The following NPSR1 variants were observed in gnomAD, a reference collection of about 807,000 sequenced individuals.
NPSR1 encodes the protein neuropeptide S receptor 1, also known as neuropeptide S receptor.
A neutral mutation model predicts 46.9 loss-of-function variants in NPSR1; 48 were observed. The observed-to-expected ratio is 1.02, with a 90% CI of 0.81 to 1.30. The LOEUF (loss-of-function observed/expected upper bound fraction) is 1.30. Ranked by LOEUF, NPSR1 falls within the 50% of genes most tolerant of loss-of-function variation. The pLI is 0.00. For synonymous variants in NPSR1, 176 were observed against 168.1 expected, an observed-to-expected ratio of 1.05 and a Z score of -0.36; for missense variants, 450 against 449.5, an observed-to-expected ratio of 1.00 and a Z score of -0.01.
intron 2 of NPSR1, among the ~76,000 whole-genome samples, chr7:34,699,138 A>T (rs1793689348): frequency 6.6e-6 from 1 of 152,216 alleles, no homozygotes; most frequent in South Asian, 2.1e-4. Context: ...TGATATTAAA[A>T]GAGGCTGCTG....
At chr7:34,705,449 AAAAG>A (rs1691289985) in intron 2 of NPSR1, among the ~76,000 whole-genome samples, 1 of 151,600 alleles carries the variant, frequency 6.6e-6, no homozygotes, top group African/African-American at 2.4e-5. Flanking sequence ...AAAAAAAAAA[AAAAG>A]AGAGAAAAGA....
intron 2 of NPSR1, among the ~76,000 whole-genome samples, chr7:34,713,692 G>A: frequency 6.6e-6 from 1 of 152,132 alleles, no homozygotes; most frequent in East Asian, 1.9e-4. Flanking sequence ...CATGGAACTA[G>A]GCTTCCCAAA....
chr7:34,862,074 T>A (rs747176929), intron 8 of NPSR1, among the ~76,000 whole-genome samples: 1 of 151,844 alleles, frequency 6.6e-6, no homozygotes, highest in Non-Finnish European at 1.5e-5. Flanking sequence ...TTATTGTTTC[T>A]CAGCTCCAAA....
chr7:34,769,729 C>T (rs765649850), intron 2 of NPSR1, among the ~76,000 whole-genome samples: 6 of 152,194 alleles, frequency 3.9e-5, no homozygotes, highest in Non-Finnish European at 5.9e-5. Context: ...CGCTTTTGTG[C>T]TCCAACTGGA....
rs537216594 is a variant in NPSR1, at chr7:34,875,390, T to C, written c.1026-2686T>C. Among the ~76,000 whole-genome samples the C allele has an allele frequency of 1.6e-4, 24 of 152,290 alleles. No individual in the cohort carries two copies. In the East Asian group the frequency reaches 3.7e-3, roughly 23 times the overall value. On this transcript the variant is annotated intron_variant, in intron 8 of 8. Coordinates refer to the NPSR1 transcript ENST00000359791. ...CCACACATTGAAGATTGAGAAGCCC[T>C]CTTCTAAGGGGTAACGTCTTCCAGA...
At chr7:34,843,891 G>A (rs10259788) in intron 6 of NPSR1, among the ~76,000 whole-genome samples, 24,856 of 152,262 alleles carry the variant, frequency 0.16, 2,258 homozygotes, top group Non-Finnish European at 0.21. Flanking sequence ...CACTAGGGTT[G>A]TGCCCATTGA....
At chr7:34,715,330 T>C (rs1413573559) in intron 2 of NPSR1, among the ~76,000 whole-genome samples, 1 of 152,214 alleles carries the variant, frequency 6.6e-6, no homozygotes, top group Non-Finnish European at 1.5e-5. Flanking sequence ...AAAGAAATGC[T>C]CTTTTTGACA....
At chr7:34,784,489 T>C (rs986438166) in intron 3 of NPSR1, among the ~76,000 whole-genome samples, 2 of 152,146 alleles carry the variant, frequency 1.3e-5, no homozygotes, top group African/African-American at 4.8e-5. Context: ...ATTACATTTA[T>C]TGATTTGCAT....
intron 1 of NPSR1, among the ~76,000 whole-genome samples, chr7:34,681,614 C>T (rs1792639417): frequency 6.6e-6 from 1 of 152,148 alleles, no homozygotes; most frequent in Non-Finnish European, 1.5e-5. Flanking sequence ...TGTAGGGTGG[C>T]CTTAGCCAGA....
intron 1 of NPSR1, among the ~76,000 whole-genome samples, chr7:34,664,355 G>A (rs961915830): frequency 4.7e-5 from 7 of 147,440 alleles, no homozygotes; most frequent in Non-Finnish European, 9.1e-5. Flanking sequence ...AGTTAAGTGA[G>A]AGAATGCTTG....
intron 2 of NPSR1, among the ~76,000 whole-genome samples, chr7:34,745,935 T>C (rs1785184920): frequency 6.6e-6 from 1 of 152,214 alleles, no homozygotes. Context: ...CCAAAAGCCA[T>C]AGTACACTCA....
At chr7:34,822,184 C>T (rs1326156890) in intron 4 of NPSR1, among the ~76,000 whole-genome samples, 1 of 152,124 alleles carries the variant, frequency 6.6e-6, no homozygotes, top group Admixed American at 6.6e-5. Context: ...CGAGAGGTTC[C>T]AGGAAGCCCA....
chr7:34,722,067 A>G (rs983475696), intron 2 of NPSR1, among the ~76,000 whole-genome samples: 11 of 152,108 alleles, frequency 7.2e-5, no homozygotes, highest in African/African-American at 1.2e-4. Context: ...AGGAGAAGGA[A>G]GAGAAGGAGA....
intron 8 of NPSR1, among the ~76,000 whole-genome samples, chr7:34,863,574 C>G (rs765927806): frequency 6.6e-6 from 1 of 151,806 alleles, no homozygotes. Flanking sequence ...AGGATATGAA[C>G]AGACACTTCT....
chr7:34,794,523 G>A (rs1788085979), intron 3 of NPSR1, among the ~76,000 whole-genome samples: 1 of 152,040 alleles, frequency 6.6e-6, no homozygotes, highest in South Asian at 2.1e-4. Context: ...ACTGTTAATT[G>A]TATTAAAGGA....
At chr7:34,700,452 A>G (rs968420234) in intron 2 of NPSR1, among the ~76,000 whole-genome samples, 4 of 152,168 alleles carry the variant, frequency 2.6e-5, no homozygotes, top group Non-Finnish European at 1.5e-5. Flanking sequence ...ATCCTCACAC[A>G]GGGATTTAAG....
chr7:34,865,901 T>C (rs1247266104), intron 8 of NPSR1, among the ~76,000 whole-genome samples: 1 of 151,702 alleles, frequency 6.6e-6, no homozygotes, highest in African/African-American at 2.4e-5. Flanking sequence ...ATGAGGTCAT[T>C]TCCTCACAAA....
chr7:34,701,840 A>G (rs899511780), intron 2 of NPSR1, among the ~76,000 whole-genome samples: 1 of 152,352 alleles, frequency 6.6e-6, no homozygotes, highest in East Asian at 1.9e-4. Context: ...CACATCTTGA[A>G]AACACCTTCC....
chr7:34,753,955 A>G (rs1785680101), intron 2 of NPSR1, among the ~76,000 whole-genome samples: 1 of 152,202 alleles, frequency 6.6e-6, no homozygotes, highest in African/African-American at 2.4e-5. Flanking sequence ...TGGAGTTTCA[A>G]ACACAAAATA....
Sources: gnomAD v4.1 joint callset for allele counts (sites outside exome capture counted in the v4.1 genomes callset) on GRCh38, gnomAD v4.1.1 for gene constraint, MANE v1.5 for transcripts, NCBI Gene and HGNC (gene_info 2026-07-23, HGNC 2026-07-21) for gene names.